Variants in FNIP2 observed in about 807,000 individuals in gnomAD.
FNIP2 encodes the protein folliculin interacting protein 2.
In FNIP2, 32 loss-of-function variants were observed where a neutral mutation model predicts 108.7. That is an observed-to-expected ratio of 0.29 (90% CI 0.22 to 0.40). FNIP2 has a LOEUF of 0.40. FNIP2 is among the 10% of genes least tolerant of loss of function. The pLI is 1.00. For synonymous variants in FNIP2, 480 were observed against 496.7 expected, an observed-to-expected ratio of 0.97 and a Z score of 0.45; for missense variants, 1,202 against 1,381.6, an observed-to-expected ratio of 0.87 and a Z score of 2.06.
chr4:158,793,744 G>T (rs1253806889), intron 1 of FNIP2, among the ~76,000 whole-genome samples: 1 of 152,194 alleles, frequency 6.6e-6, no homozygotes, highest in Non-Finnish European at 1.5e-5. Flanking sequence ...CCTCCTGACT[G>T]TCTTTGAAGT....
intron 7 of FNIP2, among the ~76,000 whole-genome samples, chr4:158,841,636 A>G (rs1779138502): frequency 6.6e-6 from 1 of 152,228 alleles, no homozygotes; most frequent in African/African-American, 2.4e-5. Context: ...GCTGCATCTT[A>G]TCTGAGCCCT....
Position 158,832,095 on chromosome 4 carries a change from GTCT to G in FNIP2, c.515_517del (p.Phe172del). 2 of 1,613,758 alleles carry G rather than the reference GTCT, an allele frequency of 1.2e-6. No homozygotes were observed. The highest frequency in any genetic ancestry group is 1.7e-6 in the Non-Finnish European group (2 of 1,179,802). Reference sequence around the variant, plus strand: ...TCCTCCACAACTGATGATTAGTAAAGTCTTCTCTGCTAGAATGGGCAGCTTCTG... The same window carrying G: ...TCCTCCACAACTGATGATTAGTAAAGTCTCTGCTAGAATGGGCAGCTTCTG... On this transcript the variant is annotated inframe_deletion, in exon 5 of 17. Coordinates refer to ENST00000264433, the MANE Select transcript of FNIP2 (RefSeq NM_020840.3).
rs112398289 is a variant in FNIP2, at chr4:158,779,699, A to G, written c.107+10380A>G. 5.0e-3 allele frequency among the ~76,000 whole-genome samples: 755 copies of G among 150,122 alleles called. 4 individuals are homozygous for G. The highest frequency in any genetic ancestry group is 0.017 in the African/African-American group (702 of 40,772). ...ACCCTCCCACCTCAGCCTCCCAAGT[A>G]GCTAGGACCACAGACAGGCATGCAC... On this transcript the variant is annotated intron_variant, in intron 1 of 16. Transcript: ENST00000264433.
chr4:158,852,908 G>T (rs770374746), intron 8 of FNIP2, among the ~76,000 whole-genome samples: 1 of 152,130 alleles, frequency 6.6e-6, no homozygotes, highest in Non-Finnish European at 1.5e-5. Context: ...ATTCAGAAAG[G>T]TTGTGAATAT....
At chr4:158,834,814 T>TC (rs1778709178) in intron 6 of FNIP2, 1 of 152,426 alleles carries the variant, frequency 6.6e-6, no homozygotes, top group Non-Finnish European at 1.5e-5. Flanking sequence ...CATGAGTTTT[T>TC]CTAAGTAACT....
Position 158,869,293 on chromosome 4 carries a change from A to T in FNIP2, c.2657A>T (p.Asp886Val). ...NKKANFRTEG[D>V]IPRNESSDSA... ...AAGGCCAACTTCAGGACTGAAGGAGACATTCCCCGAAATGAAAGCTCAGAT... is the reference window on the plus strand; with the variant it reads ...AAGGCCAACTTCAGGACTGAAGGAGTCATTCCCCGAAATGAAAGCTCAGAT... Residue 886 changes from aspartate (D) to valine (V), a missense_variant, in exon 13 of 17, where the codon GAC (aspartate) becomes GTC (valine). Physicochemically the swap from Asp to Val is radical, Grantham distance 152 (BLOSUM62 -3). Transcript: ENST00000264433. 1 of 1,613,868 alleles carries T rather than the reference A, an allele frequency of 6.2e-7. No individual in the cohort carries two copies. The highest frequency in any genetic ancestry group is 8.5e-7 in the Non-Finnish European group (1 of 1,179,840).
Position 158,820,534 on chromosome 4 carries a change from A to G in FNIP2, c.108-5382A>G, listed in dbSNP as rs574811608. Among the ~76,000 whole-genome samples the G allele has an allele frequency of 2.6e-5, 4 of 152,362 alleles. No homozygotes were observed. The South Asian group carries it at 8.3e-4, about 32-fold the overall frequency. ...TAGTTCTCTTCCTAAAACACAGGTCAGATCGTGTCATTCTCTTTCTTGAAA... is the reference window on the plus strand; with the variant it reads ...TAGTTCTCTTCCTAAAACACAGGTCGGATCGTGTCATTCTCTTTCTTGAAA... On this transcript the variant is annotated intron_variant, in intron 1 of 16. Coordinates refer to ENST00000264433, the MANE Select transcript of FNIP2 (RefSeq NM_020840.3).
rs1369077993 is a variant in FNIP2 at position 158,861,750 on chromosome 4, C to T, written c.1439C>T (p.Pro480Leu). The change falls in exon 12 of 17, where the codon CCG becomes CTG. Residue 480 changes from proline (P) to leucine (L), a missense_variant. Physicochemically the swap from Pro to Leu is moderately conservative, Grantham distance 98. This residue lies in a region of FNIP2 where 878 missense variants were observed against 990.3 expected (regional missense o/e 0.89). Coordinates refer to ENST00000264433, the MANE Select transcript of FNIP2 (RefSeq NM_020840.3). ...GTGAACATGCTGGCCAAAACACATCCGTATAATCCTCTTTGGGCACAGCTG... is the reference window on the plus strand; with the variant it reads ...GTGAACATGCTGGCCAAAACACATCTGTATAATCCTCTTTGGGCACAGCTG... ...QSVNMLAKTHPYNPLWAQLGD... is the reference protein window; with the variant it reads ...QSVNMLAKTHLYNPLWAQLGD... 8.1e-6 allele frequency: 13 copies of T among 1,613,844 alleles called. No individual in the cohort carries two copies. Among genetic ancestry groups the T allele is most frequent in the Non-Finnish European group, 1.1e-5 (13 of 1,179,900 alleles).
At chr4:158,781,861 A>G (rs1211519767) in intron 1 of FNIP2, among the ~76,000 whole-genome samples, 1 of 151,964 alleles carries the variant, frequency 6.6e-6, no homozygotes, top group Non-Finnish European at 1.5e-5. Context: ...CCCACTTACA[A>G]TGTGGGGCAC....
chr4:158,867,790 C>A (rs1780666462), intron 12 of FNIP2, among the ~76,000 whole-genome samples: 1 of 152,186 alleles, frequency 6.6e-6, no homozygotes, highest in Admixed American at 6.5e-5. Context: ...TGGCTTTAGC[C>A]TTCTTTGGGC....
chr4:158,775,998 A>G (rs1005901019), intron 1 of FNIP2, among the ~76,000 whole-genome samples: 10 of 152,336 alleles, frequency 6.6e-5, no homozygotes, highest in Non-Finnish European at 1.3e-4. Context: ...AGAGATTTAT[A>G]TATTGGTTTA....
At chr4:158,820,046 G>T (rs904755146) in intron 1 of FNIP2, among the ~76,000 whole-genome samples, 1 of 152,184 alleles carries the variant, frequency 6.6e-6, no homozygotes, top group African/African-American at 2.4e-5. Flanking sequence ...GGAATTGCTG[G>T]TTAAATGGAT....
At chr4:158,876,956 G>A (rs935293839) in intron 14 of FNIP2, among the ~76,000 whole-genome samples, 5 of 152,146 alleles carry the variant, frequency 3.3e-5, no homozygotes, top group East Asian at 1.9e-4. Flanking sequence ...CTCTTGCATC[G>A]TGTCAGAGTT....
At chr4:158,862,630 G>A (rs2126683051) in intron 12 of FNIP2, among the ~76,000 whole-genome samples, 2 of 152,334 alleles carry the variant, frequency 1.3e-5, no homozygotes, top group Admixed American at 1.3e-4. Flanking sequence ...GAGAAAGCTA[G>A]AAGAGAGGTT....
intron 8 of FNIP2, among the ~76,000 whole-genome samples, chr4:158,858,059 G>A (rs1420346752): frequency 6.6e-6 from 1 of 152,176 alleles, no homozygotes; most frequent in Non-Finnish European, 1.5e-5. Flanking sequence ...TATGAGTAGA[G>A]CCCTAAGTAA....
chr4:158,885,432 G>A (rs976109993), intron 14 of FNIP2, among the ~76,000 whole-genome samples: 3 of 152,178 alleles, frequency 2.0e-5, no homozygotes, highest in East Asian at 1.9e-4. Flanking sequence ...GTGTGCTAGC[G>A]TAGATTTTAG....
chr4:158,782,612 C>T (rs1489711981), intron 1 of FNIP2, among the ~76,000 whole-genome samples: 2 of 151,614 alleles, frequency 1.3e-5, no homozygotes, highest in African/African-American at 4.8e-5. Context: ...TCAGTTATGG[C>T]AGCTAATCCT....
intron 1 of FNIP2, among the ~76,000 whole-genome samples, chr4:158,781,334 C>T (rs972220812): frequency 6.6e-6 from 1 of 152,126 alleles, no homozygotes; most frequent in African/African-American, 2.4e-5. Flanking sequence ...GTGGACCGGT[C>T]TCTGTGAAAT....
intron 14 of FNIP2, chr4:158,872,688 T>C: frequency 1.0e-6 from 1 of 985,302 alleles, no homozygotes; most frequent in Non-Finnish European, 1.2e-6. Context: ...GAATTTTGCT[T>C]TTGAAGTAGT....
Sources: gnomAD v4.1 joint callset for allele counts (sites outside exome capture counted in the v4.1 genomes callset) on GRCh38, gnomAD v4.1.1 for gene constraint, gnomAD v4.1.1 regional missense constraint, MANE v1.5 for transcripts, NCBI Gene and HGNC (gene_info 2026-07-23, HGNC 2026-07-21) for gene names.